Variants in PALS2 observed in about 807,000 individuals in gnomAD.
The protein encoded by PALS2 is protein PALS2.
In PALS2, 27 loss-of-function variants were observed where a neutral mutation model predicts 61.6. That is an observed-to-expected ratio of 0.44 (90% CI 0.32 to 0.60). The LOEUF (loss-of-function observed/expected upper bound fraction) is 0.60, where lower values mean the gene tolerates loss of function less well. Ranked by LOEUF, PALS2 falls within the 20% of genes least tolerant of loss-of-function variation. The pLI, the probability that PALS2 is intolerant of heterozygous loss-of-function variation, is 0.05. For missense variants in PALS2, 554 were observed against 639.4 expected, an observed-to-expected ratio of 0.87 and a Z score of 1.44; for synonymous variants, 236 against 218.6, an observed-to-expected ratio of 1.08 and a Z score of -0.70.
chr7:24,656,280 G>A (rs557497234), intron 5 of PALS2, among the ~76,000 whole-genome samples: 10 of 152,174 alleles, frequency 6.6e-5, no homozygotes, highest in African/African-American at 2.4e-4. Context: ...TTTTCTAGCC[G>A]TTTCATCCAT....
chr7:24,663,489 A>G lies in PALS2; in HGVS notation c.652-101A>G, dbSNP rs138014160. On this transcript the variant is annotated intron_variant, in intron 5 of 11. Transcript: ENST00000222644. Reference sequence around the variant, plus strand: ...GTTCATTATCTGAAGTACTAAATACATTGTCAGTTACAATTAAATCAGAGT... The same window carrying G: ...GTTCATTATCTGAAGTACTAAATACGTTGTCAGTTACAATTAAATCAGAGT... 24 of 1,141,410 alleles carry G rather than the reference A, an allele frequency of 2.1e-5. No homozygotes were observed. In the African/African-American group the frequency reaches 3.4e-4, roughly 16 times the overall value. 70.7% of individuals were successfully genotyped at this position (1,141,410 alleles called of 1,614,324 possible). A position where few individuals can be genotyped will look rare whatever the true frequency, so the allele number is the denominator to read the frequency against.
chr7:24,613,613 T>G (rs914101168), intron 1 of PALS2, among the ~76,000 whole-genome samples: 2 of 151,870 alleles, frequency 1.3e-5, no homozygotes, highest in African/African-American at 2.4e-5. Flanking sequence ...GAATATCCTC[T>G]CTTCAGCCGC....
chr7:24,668,999 G>C (rs1326100518), intron 9 of PALS2, among the ~76,000 whole-genome samples: 1 of 152,164 alleles, frequency 6.6e-6, no homozygotes, highest in Non-Finnish European at 1.5e-5. Context: ...GGATTTTTCA[G>C]CCATTTTAGT....
chr7:24,594,895 T>C (rs959867601), intron 1 of PALS2, among the ~76,000 whole-genome samples: 1 of 152,082 alleles, frequency 6.6e-6, no homozygotes, highest in African/African-American at 2.4e-5. Context: ...ATTGTGAAAA[T>C]TACAAAAATG....
intron 8 of PALS2, 28 bp from the exon 9 acceptor site, chr7:24,668,471 T>G: frequency 6.3e-7 from 1 of 1,594,044 alleles, no homozygotes; most frequent in Non-Finnish European, 8.6e-7. Context: ...AAAGTTGACT[T>G]TGTATTCCCA....
intron 1 of PALS2, among the ~76,000 whole-genome samples, chr7:24,579,285 G>A (rs1782749714): frequency 6.6e-6 from 1 of 152,144 alleles, no homozygotes; most frequent in South Asian, 2.1e-4. Context: ...GAGGCTATTA[G>A]TTAACAGGGG....
chr7:24,684,012 C>T (rs1311820574), intron 11 of PALS2, among the ~76,000 whole-genome samples: 2 of 152,256 alleles, frequency 1.3e-5, no homozygotes, highest in African/African-American at 4.8e-5. Context: ...TCAACATAAC[C>T]ACCACTAGTA....
intron 2 of PALS2, among the ~76,000 whole-genome samples, chr7:24,631,182 A>T (rs7807905): frequency 0.057 from 8,661 of 152,288 alleles, 610 homozygotes; most frequent in East Asian, 0.19. Flanking sequence ...GCATGGGAGA[A>T]GGTCAGAATA....
In PALS2 at chr7:24,668,679, C is replaced by T. The variant is rs1487311339; in HGVS notation, c.1114+19C>T. 1.2e-6 allele frequency: 2 copies of T among 1,612,392 alleles called. No individual in the cohort carries two copies. Among genetic ancestry groups the T allele is most frequent in the Non-Finnish European group, 1.7e-6 (2 of 1,179,162 alleles). ...GTGCCATGTAAGTTTTCTGTGTTTTCCTTGCTATGCAATTGGCAGGAAAGA... is the reference window on the plus strand; with the variant it reads ...GTGCCATGTAAGTTTTCTGTGTTTTTCTTGCTATGCAATTGGCAGGAAAGA... On this transcript the variant is annotated intron_variant, in intron 9 of 11. Transcript: ENST00000222644.
At position 24,668,590 on chromosome 7, in the gene PALS2, T is replaced by A; in HGVS notation, c.1044T>A (p.Gly348=). 1 of 1,613,916 alleles carries A rather than the reference T, an allele frequency of 6.2e-7. No individual in the cohort carries two copies. Among genetic ancestry groups the A allele is most frequent in the Non-Finnish European group, 8.5e-7 (1 of 1,179,912 alleles). ...RKTLVLIGAQ[G]VGRRSLKNRF... is the part of the protein sequence containing the mutation. ...CATTAGTATTGATAGGAGCTCAAGG[T>A]GTAGGCCGAAGAAGCTTGAAAAACA... The change falls in exon 9 of 12, where the codon GGT becomes GGA. Residue 348 remains glycine (G), a synonymous_variant. Coordinates refer to ENST00000222644, the MANE Select transcript of PALS2 (RefSeq NM_001303037.2).
chr7:24,609,874 T>C (rs1296076754), intron 1 of PALS2, among the ~76,000 whole-genome samples: 1 of 152,066 alleles, frequency 6.6e-6, no homozygotes, highest in African/African-American at 2.4e-5. Context: ...GCCTGCACTT[T>C]GTTGTTGTTG....
chr7:24,645,380 T>A (rs1785780116), intron 3 of PALS2, among the ~76,000 whole-genome samples: 2 of 152,212 alleles, frequency 1.3e-5, no homozygotes, highest in Non-Finnish European at 2.9e-5. Context: ...GGGAGTCTTT[T>A]CCCCGTTGTT....
chr7:24,599,879 G>A (rs756797901), intron 1 of PALS2, among the ~76,000 whole-genome samples: 10 of 151,814 alleles, frequency 6.6e-5, no homozygotes, highest in Non-Finnish European at 1.5e-4. Flanking sequence ...AAACACATTA[G>A]CCTTGGCCTA....
At chr7:24,599,002 C>T (rs184893957) in intron 1 of PALS2, among the ~76,000 whole-genome samples, 54 of 152,232 alleles carry the variant, frequency 3.5e-4, no homozygotes, top group Admixed American at 1.3e-3. Context: ...AAGTAAAAAA[C>T]ACACCGAGTG....
intron 1 of PALS2, among the ~76,000 whole-genome samples, chr7:24,590,320 T>C (rs1455771245): frequency 6.6e-6 from 1 of 152,162 alleles, no homozygotes; most frequent in African/African-American, 2.4e-5. Context: ...AATTGTGTGC[T>C]CTTGCTTCGC....
At chr7:24,654,851 TAGAG>T (rs1324579571) in intron 5 of PALS2, among the ~76,000 whole-genome samples, 1 of 148,618 alleles carries the variant, frequency 6.7e-6, no homozygotes, top group Admixed American at 6.7e-5. Context: ...AATGGACTTT[TAGAG>T]AGCTCAGAAA....
intron 1 of PALS2, among the ~76,000 whole-genome samples, chr7:24,580,031 TG>T (rs1388972100): frequency 1.3e-5 from 2 of 152,050 alleles, no homozygotes; most frequent in Non-Finnish European, 2.9e-5. Context: ...CTGAGCAGAC[TG>T]GGGGCCATAT....
chr7:24,591,961 A>G (rs994651442), intron 1 of PALS2, among the ~76,000 whole-genome samples: 5 of 152,088 alleles, frequency 3.3e-5, no homozygotes, highest in Non-Finnish European at 7.4e-5. Flanking sequence ...ATTTTGTGAA[A>G]TCACAAACAA....
rs139109083 is a variant in PALS2 at position 24,655,467 on chromosome 7, G to T, written c.651+4755G>T. Among the ~76,000 whole-genome samples the T allele has an allele frequency of 3.0e-3, 459 of 152,150 alleles. 2 individuals are homozygous for T. The highest frequency in any genetic ancestry group is 0.01 in the African/African-American group (432 of 41,526). ...GGGATGGGATGGAATGAGGGCAGGA[G>T]AATCAAGTAGGATTTTAATGTTAGT... On this transcript the variant is annotated intron_variant, in intron 5 of 11. Coordinates refer to ENST00000222644, the MANE Select transcript of PALS2 (RefSeq NM_001303037.2).
Sources: gnomAD v4.1 joint callset for allele counts (sites outside exome capture counted in the v4.1 genomes callset) on GRCh38, gnomAD v4.1.1 for gene constraint, MANE v1.5 for transcripts, NCBI Gene and HGNC (gene_info 2026-07-23, HGNC 2026-07-21) for gene names.